ST3GAL1: variants seen among roughly 807,000 people sequenced by gnomAD.
ST3GAL1 encodes the protein CMP-N-acetylneuraminate-beta-galactosamide-alpha-2,3-sialyltransferase 1.
Under a neutral mutation model 34.1 loss-of-function variants are expected in ST3GAL1, and 16 were observed. The ratio of observed to expected loss-of-function variants is 0.47; its 90% CI spans 0.32 to 0.71. ST3GAL1 has a LOEUF of 0.71. Among genes scored for constraint, ST3GAL1 ranks in the 30% least tolerant of loss-of-function variants. The probability of loss-of-function intolerance (pLI) is 0.04; values close to 1 mark genes in which losing one functional copy is unlikely to be tolerated. For synonymous variants in ST3GAL1, 191 were observed against 184.7 expected, an observed-to-expected ratio of 1.03 and a Z score of -0.28; for missense variants, 353 against 447.4, an observed-to-expected ratio of 0.79 and a Z score of 1.90.
Position 133,463,605 on chromosome 8 carries a change from C to T in ST3GAL1, c.684-146G>A, listed in dbSNP as rs961197511. 1.2e-5 allele frequency: 10 copies of T among 803,972 alleles called. No homozygotes were observed. The East Asian group carries it at 2.6e-4, about 21-fold the overall frequency. 49.8% of individuals were successfully genotyped at this position (803,972 alleles called of 1,614,324 possible). ...AGCTTCCCTCAGGGACCCCCACCTC[C>T]CTACCCCAGCCGGGTTTCTGCCCAC... On this transcript the variant is annotated intron_variant, in intron 7 of 9. Coordinates refer to ENST00000522652, the MANE Select transcript of ST3GAL1 (RefSeq NM_173344.3).
intron 6 of ST3GAL1, 70 bp from the exon 7 acceptor site, chr8:133,465,027 GA>G: frequency 6.7e-7 from 1 of 1,496,392 alleles, no homozygotes; most frequent in Non-Finnish European, 9.0e-7. Flanking sequence ...TGAGAGCTCC[GA>G]GAGAGTGAGC....
chr8:133,555,055 G>T (rs925318950), intron 1 of ST3GAL1, among the ~76,000 whole-genome samples: 1 of 152,056 alleles, frequency 6.6e-6, no homozygotes, highest in Non-Finnish European at 1.5e-5. Context: ...TCACTCTGAG[G>T]GCTGGGGAGA....
chr8:133,524,118 C>T (rs190371860), intron 2 of ST3GAL1, among the ~76,000 whole-genome samples: 14 of 152,336 alleles, frequency 9.2e-5, no homozygotes, highest in Non-Finnish European at 1.8e-4. Context: ...ACTCTCTCTG[C>T]TCAATTGCTC....
At chr8:133,501,331 C>T (rs906620871) in intron 2 of ST3GAL1, among the ~76,000 whole-genome samples, 4 of 152,158 alleles carry the variant, frequency 2.6e-5, no homozygotes, top group African/African-American at 7.2e-5. Context: ...CTCCTATGCC[C>T]GTCCAGCCCA....
intron 2 of ST3GAL1, among the ~76,000 whole-genome samples, chr8:133,518,341 T>C (rs983344257): frequency 3.9e-5 from 6 of 152,186 alleles, no homozygotes; most frequent in African/African-American, 1.4e-4. Flanking sequence ...CCACCAGCCA[T>C]GTGAAGCTCT....
chr8:133,528,703 G>A (rs1270550046), intron 2 of ST3GAL1, among the ~76,000 whole-genome samples: 1 of 152,238 alleles, frequency 6.6e-6, no homozygotes, highest in Non-Finnish European at 1.5e-5. Flanking sequence ...ATAGTCATGA[G>A]AGATATGATT....
chr8:133,524,290 GT>G (rs750823273), intron 2 of ST3GAL1, among the ~76,000 whole-genome samples: 34 of 152,166 alleles, frequency 2.2e-4, no homozygotes, highest in Non-Finnish European at 3.7e-4. Flanking sequence ...CTTGTGCAAG[GT>G]CTCCCAGCTA....
Position 133,475,740 on chromosome 8 carries a change from G to A in ST3GAL1, c.285C>T (p.Asp95=), listed in dbSNP as rs113350588. 1.9e-4 allele frequency: 312 copies of A among 1,603,408 alleles called. No individual in the cohort carries two copies. The highest frequency in any genetic ancestry group is 2.3e-4 in the Non-Finnish European group (274 of 1,173,192). Residue 95 remains aspartate (D), a synonymous_variant, in exon 5 of 10, where the codon GAC becomes GAT. Transcript: ENST00000522652. ...TCACCAGCCACCATCGGTAGGTGTC[G>A]TCCTCCAAGAGCGCGTTCTGGGCGG... ...LLTAQNALLE[D]DTYRWWLRLQ...
chr8:133,463,344 C>G (rs375387859), intron 8 of ST3GAL1, 70 bp downstream of exon 8: 1 of 1,575,432 alleles, frequency 6.3e-7, no homozygotes, highest in African/African-American at 1.3e-5. Flanking sequence ...AACTCAATGC[C>G]GTACCTTAGA....
intron 2 of ST3GAL1, among the ~76,000 whole-genome samples, chr8:133,530,129 A>G (rs1818105401): frequency 6.6e-6 from 1 of 152,100 alleles, no homozygotes; most frequent in South Asian, 2.1e-4. Context: ...TAATTGAATT[A>G]ATGAATAAAC....
chr8:133,544,742 T>A (rs1179509434), intron 2 of ST3GAL1, among the ~76,000 whole-genome samples: 2 of 152,196 alleles, frequency 1.3e-5, no homozygotes, highest in Non-Finnish European at 2.9e-5. Context: ...TTGTTTTACA[T>A]GGAGTCACAT....
intron 2 of ST3GAL1, among the ~76,000 whole-genome samples, chr8:133,501,015 G>A (rs1470941333): frequency 6.6e-6 from 1 of 152,228 alleles, no homozygotes; most frequent in Non-Finnish European, 1.5e-5. Flanking sequence ...CACCAGGCAA[G>A]GGGACTTGGA....
rs544068865 is a variant in ST3GAL1, at chr8:133,456,028, T to G, written c.*3736A>C. On this transcript the variant is annotated 3_prime_UTR_variant, in exon 10 of 10. Transcript: ENST00000522652. ...ACTGCCCTCTCCACCTTCTTTTTTT[T>G]TTTCCCTCCTATTTTACATTCTATT... 6.6e-6 allele frequency: 1 copy of G among 150,668 alleles called. No individual in the cohort carries two copies. The highest frequency in any genetic ancestry group is 2.1e-4 in the South Asian group (1 of 4,794). 9.3% of individuals were successfully genotyped at this position (150,668 alleles called of 1,614,324 possible).
chr8:133,509,936 G>A (rs1586629370), intron 2 of ST3GAL1, among the ~76,000 whole-genome samples: 1 of 151,918 alleles, frequency 6.6e-6, no homozygotes, highest in Non-Finnish European at 1.5e-5. Context: ...GCACACGCCT[G>A]TATTCCCAGC....
chr8:133,559,107 C>A, intron 1 of ST3GAL1, among the ~76,000 whole-genome samples: 1 of 151,858 alleles, frequency 6.6e-6, no homozygotes, highest in East Asian at 1.9e-4. Flanking sequence ...TGGCCACCTG[C>A]GATGCTGTTT....
chr8:133,517,824 T>C (rs930658603), intron 2 of ST3GAL1, among the ~76,000 whole-genome samples: 4 of 152,242 alleles, frequency 2.6e-5, no homozygotes, highest in Non-Finnish European at 5.9e-5. Context: ...AACAAAACTT[T>C]GAATTAGGTG....
intron 5 of ST3GAL1, among the ~76,000 whole-genome samples, chr8:133,472,802 T>C (rs1816019390): frequency 6.7e-6 from 1 of 150,368 alleles, no homozygotes; most frequent in East Asian, 2.0e-4. Flanking sequence ...GGGGAAGACA[T>C]CTGGTAAATG....
At chr8:133,517,644 C>A (rs1188864326) in intron 2 of ST3GAL1, among the ~76,000 whole-genome samples, 1 of 152,236 alleles carries the variant, frequency 6.6e-6, no homozygotes, top group Admixed American at 6.5e-5. Flanking sequence ...GCCAACGCGC[C>A]CGGCCCAGAC....
intron 2 of ST3GAL1, among the ~76,000 whole-genome samples, chr8:133,533,709 C>G (rs1173380766): frequency 6.6e-6 from 1 of 152,244 alleles, no homozygotes; most frequent in Non-Finnish European, 1.5e-5. Context: ...TCCCCCATCT[C>G]CATCTCCCTT....
Sources: allele counts gnomAD v4.1 joint callset (sites outside exome capture counted in the v4.1 genomes callset), GRCh38; gene constraint gnomAD v4.1.1; transcripts MANE v1.5; gene names NCBI Gene and HGNC (gene_info 2026-07-23, HGNC 2026-07-21).